Variants in CYYR1 observed in about 807,000 individuals in gnomAD.
CYYR1 encodes the protein cysteine and tyrosine rich 1.
A neutral mutation model predicts 15.2 loss-of-function variants in CYYR1; 14 were observed. The ratio of observed to expected loss-of-function variants is 0.92; its 90% CI spans 0.61 to 1.44. CYYR1 has a LOEUF of 1.44. Ranked by LOEUF, CYYR1 falls within the 40% of genes most tolerant of loss-of-function variation. The pLI is 0.00. For missense variants in CYYR1, 228 were observed against 209.5 expected (o/e 1.09, Z -0.54); for synonymous variants, 80 against 77.4 (o/e 1.03, Z -0.18).
intron 2 of CYYR1, among the ~76,000 whole-genome samples, chr21:26,518,055 C>T (rs927857719): frequency 1.3e-5 from 2 of 152,098 alleles, no homozygotes; most frequent in East Asian, 3.9e-4. Flanking sequence ...CTGAACACAG[C>T]CATGTTGAAC....
intron 2 of CYYR1, chr21:26,564,797 A>T: frequency 8.0e-7 from 1 of 1,249,144 alleles, no homozygotes; most frequent in Non-Finnish European, 1.0e-6. Context: ...TCCAAGTTAT[A>T]CTCGCACCTC....
intron 2 of CYYR1, among the ~76,000 whole-genome samples, chr21:26,481,961 TAAAAATATTCACTTTCTC>T (rs2065187409): frequency 6.6e-6 from 1 of 152,018 alleles, no homozygotes; most frequent in Non-Finnish European, 1.5e-5. Context: ...ATGTGAAAAA[TAAAAATATTCACTTTCTC>T]ATTTGCATAT....
rs141424865 is a variant in CYYR1 at position 26,495,159 on chromosome 21, C to G, written c.177-14730G>C. ...AACTTATGTTGCCTATGTGGACAGG[C>G]GGAATAAGGAGAATTACAGTCTGGG... On this transcript the variant is annotated intron_variant, in intron 2 of 3. Transcript: ENST00000652641. 1.5e-4 allele frequency among the ~76,000 whole-genome samples: 23 copies of G among 152,184 alleles called. No homozygotes were observed. The East Asian group carries it at 4.4e-3, about 29-fold the overall frequency.
intron 2 of CYYR1, among the ~76,000 whole-genome samples, chr21:26,534,907 T>C (rs1225210833): frequency 6.6e-6 from 1 of 152,208 alleles, no homozygotes; most frequent in Non-Finnish European, 1.5e-5. Flanking sequence ...TCTTATGTAA[T>C]TAATTTTACT....
At position 26,478,580 on chromosome 21, in the gene CYYR1, C is replaced by T. The variant is rs146484059; in HGVS notation, c.334+1692G>A. 2.5e-3 allele frequency among the ~76,000 whole-genome samples: 388 copies of T among 152,228 alleles called. 2 individuals are homozygous for T. The highest frequency in any genetic ancestry group is 0.021 in the South Asian group (100 of 4,810). On this transcript the variant is annotated intron_variant, in intron 3 of 3. Transcript: ENST00000652641. ...AAATGAAGAACCACACGCTTTAATG[C>T]CTCCTCTGCGGGAAATGGGGAACCG...
chr21:26,557,067 C>T (rs1044333967), intron 2 of CYYR1, among the ~76,000 whole-genome samples: 17 of 152,116 alleles, frequency 1.1e-4, no homozygotes, highest in Admixed American at 3.9e-4. Flanking sequence ...TACATAGCAG[C>T]TATACGAAAT....
chr21:26,502,703 A>ATACT (rs769325704), intron 2 of CYYR1, among the ~76,000 whole-genome samples: 27 of 152,102 alleles, frequency 1.8e-4, no homozygotes, highest in Non-Finnish European at 3.4e-4. Context: ...GTCTCATTAT[A>ATACT]TACTATGTTT....
At chr21:26,496,166 A>C (rs1317543887) in intron 2 of CYYR1, among the ~76,000 whole-genome samples, 1 of 152,194 alleles carries the variant, frequency 6.6e-6, no homozygotes, top group African/African-American at 2.4e-5. Flanking sequence ...TATATTTTTA[A>C]AGTTACCCTA....
At position 26,570,279 on chromosome 21, in the gene CYYR1, G is replaced by C. The variant is rs558431721; in HGVS notation, c.73+2589C>G. Among the ~76,000 whole-genome samples the C allele has an allele frequency of 8.5e-5, 13 of 152,222 alleles. No individual in the cohort carries two copies. The South Asian group carries it at 2.7e-3, about 32-fold the overall frequency. On this transcript the variant is annotated intron_variant, in intron 1 of 3. Transcript: ENST00000652641. ...TCAATGACTTTTTGCTGAAAGGTGT[G>C]GTCTGGAAGAAGGTTCCCCAACTCA...
rs372441108 is a variant in CYYR1 at position 26,476,573 on chromosome 21, T to C, written c.334+3699A>G. 3.6e-3 allele frequency among the ~76,000 whole-genome samples: 517 copies of C among 142,556 alleles called. 4 individuals carry two copies. Among genetic ancestry groups the C allele is most frequent in the African/African-American group, 0.014 (489 of 35,818 alleles). 93.5% of individuals were successfully genotyped at this position (142,556 alleles called of 152,430 possible). A position where few individuals can be genotyped will look rare whatever the true frequency, so the allele number is the denominator to read the frequency against. ...CCATTCCCCTCTCCAATTGTTTGTC[T>C]ACCCTATCTATCATCTATCTATCTA... On this transcript the variant is annotated intron_variant, in intron 3 of 3. Coordinates refer to ENST00000652641, the MANE Select transcript of CYYR1 (RefSeq NM_001320768.2).
intron 3 of CYYR1, 48 bp from the exon 4 acceptor site, chr21:26,468,682 A>G (rs776170977): frequency 6.3e-6 from 9 of 1,430,256 alleles, no homozygotes; most frequent in African/African-American, 1.4e-5. Flanking sequence ...AAATATTTGC[A>G]TTTCTACTGT....
chr21:26,482,317 G>C, intron 2 of CYYR1: 1 of 983,822 alleles, frequency 1.0e-6, no homozygotes, highest in Non-Finnish European at 1.2e-6. Context: ...TATACATATT[G>C]ATATCTGCTC....
intron 2 of CYYR1, among the ~76,000 whole-genome samples, chr21:26,557,423 A>G (rs1979867909): frequency 6.6e-6 from 1 of 152,184 alleles, no homozygotes; most frequent in African/African-American, 2.4e-5. Context: ...ATGAACTGAA[A>G]TATCACAAAT....
At chr21:26,477,256 A>G (rs1366970059) in intron 3 of CYYR1, among the ~76,000 whole-genome samples, 1 of 152,182 alleles carries the variant, frequency 6.6e-6, no homozygotes, top group Admixed American at 6.6e-5. Context: ...AGATTTTGAA[A>G]AGTATTCAAT....
At chr21:26,544,760 T>C (rs1164181059) in intron 2 of CYYR1, among the ~76,000 whole-genome samples, 2 of 152,098 alleles carry the variant, frequency 1.3e-5, no homozygotes, top group African/African-American at 4.8e-5. Context: ...CTCTATATTT[T>C]TGAATTGTGA....
intron 2 of CYYR1, among the ~76,000 whole-genome samples, chr21:26,505,804 T>TA (rs35544892): frequency 2.6e-5 from 4 of 151,686 alleles, no homozygotes; most frequent in East Asian, 3.9e-4. Flanking sequence ...ATACATATTT[T>TA]AAAAAAAAAG....
rs1428829238 is a variant in CYYR1 at position 26,550,674 on chromosome 21, T to C, written c.176+15592A>G. ...CTAATCCAGAGCAAGGCTTTAACTC[T>C]CTTCAAGTTTGTGAAGACTGAGAGA... On this transcript the variant is annotated intron_variant, in intron 2 of 3. Transcript: ENST00000652641. 4 of 152,162 alleles carry C rather than the reference T, an allele frequency of 2.6e-5. No individual in the cohort carries two copies. In the South Asian group the frequency reaches 8.3e-4, roughly 32 times the overall value. 9.4% of individuals were successfully genotyped at this position (152,162 alleles called of 1,614,324 possible).
chr21:26,542,290 C>CGAGT (rs1491314734), intron 2 of CYYR1, among the ~76,000 whole-genome samples: 1 of 128,070 alleles, frequency 7.8e-6, no homozygotes, highest in Non-Finnish European at 1.6e-5. Context: ...TGTGTGTGTG[C>CGAGT]GTGTGTGTGT....
intron 2 of CYYR1, among the ~76,000 whole-genome samples, chr21:26,512,419 T>A (rs1360343740): frequency 1.3e-5 from 2 of 152,016 alleles, no homozygotes; most frequent in Non-Finnish European, 2.9e-5. Context: ...GCCTGGCTGA[T>A]CTTGAACCCC....
Sources: allele counts gnomAD v4.1 joint callset (sites outside exome capture counted in the v4.1 genomes callset), GRCh38; gene constraint gnomAD v4.1.1; transcripts MANE v1.5; gene names NCBI Gene and HGNC (gene_info 2026-07-23, HGNC 2026-07-21).